Variants in SMAD3 observed in about 807,000 individuals in gnomAD.
SMAD3 encodes SMAD family member 3, also known as MAD homolog 3.
Under a neutral mutation model 51.8 loss-of-function variants are expected in SMAD3, and 12 were observed. The observed-to-expected ratio is 0.23, with a 90% confidence interval of 0.15 to 0.38. The LOEUF is 0.38. Among genes scored for constraint, SMAD3 ranks in the 10% least tolerant of loss-of-function variants. SMAD3 has a pLI of 1.00. For missense variants in SMAD3, 294 were observed against 565.6 expected, an observed-to-expected ratio of 0.52 and a Z score of 4.87; for synonymous variants, 238 against 227.7, an observed-to-expected ratio of 1.05 and a Z score of -0.41.
intron 1 of SMAD3, among the ~76,000 whole-genome samples, chr15:67,116,547 C>T (rs1450494149): frequency 1.3e-5 from 2 of 152,062 alleles, no homozygotes; most frequent in South Asian, 2.1e-4. Context: ...GCTGGAGAAG[C>T]GTGTGGTAAA....
At chr15:67,067,568 C>T (rs1034223151) in intron 1 of SMAD3, among the ~76,000 whole-genome samples, 4 of 152,192 alleles carry the variant, frequency 2.6e-5, no homozygotes, top group African/African-American at 9.7e-5. Flanking sequence ...TGGACTCCAT[C>T]CTTGGCCACC....
chr15:67,168,382 C>T (rs1353550146), intron 4 of SMAD3, among the ~76,000 whole-genome samples: 2 of 152,214 alleles, frequency 1.3e-5, no homozygotes, highest in East Asian at 3.9e-4. Flanking sequence ...ACTAGTAGCG[C>T]GAACCAGCTG....
At chr15:67,149,802 C>T (rs1962079961) in intron 1 of SMAD3, among the ~76,000 whole-genome samples, 1 of 152,158 alleles carries the variant, frequency 6.6e-6, no homozygotes, top group Non-Finnish European at 1.5e-5. Context: ...CTTATATAAG[C>T]TTGTAAAGCT....
intron 1 of SMAD3, among the ~76,000 whole-genome samples, chr15:67,141,783 G>A (rs954155691): frequency 1.3e-5 from 2 of 152,100 alleles, no homozygotes; most frequent in Non-Finnish European, 2.9e-5. Context: ...TTAGACTCCT[G>A]AGTCTTAAAT....
At chr15:67,177,624 G>C (rs1962940921) in intron 5 of SMAD3, among the ~76,000 whole-genome samples, 1 of 151,928 alleles carries the variant, frequency 6.6e-6, no homozygotes, top group Non-Finnish European at 1.5e-5. Context: ...GGTTTCGCCA[G>C]GTTGGCCAGG....
At chr15:67,120,385 C>G (rs1473664959) in intron 1 of SMAD3, among the ~76,000 whole-genome samples, 2 of 152,164 alleles carry the variant, frequency 1.3e-5, no homozygotes, top group African/African-American at 4.8e-5. Flanking sequence ...CATGCTGTTT[C>G]TTTGGATCAA....
At position 67,191,851 on chromosome 15, in the gene SMAD3, C is replaced by T. The variant is rs886051391; in HGVS notation, c.*1315C>T. ...GATCTAGCTCCCGGTAGAGGATCAC[C>T]GGTGACAACTATAGCAGTTGTATTG... On this transcript the variant is annotated 3_prime_UTR_variant, in exon 9 of 9. Coordinates refer to ENST00000327367, the MANE Select transcript of SMAD3 (RefSeq NM_005902.4). 4.4e-4 allele frequency: 102 copies of T among 229,268 alleles called. No individual in the cohort carries two copies. The Admixed American group carries it at 4.6e-3, about 10-fold the overall frequency. The allele number at this position is 229,268 out of a possible 1,614,324, so 14.2% of individuals were successfully genotyped here.
chr15:67,190,566 C>A lies in SMAD3; in HGVS notation c.*30C>A. On this transcript the variant is annotated 3_prime_UTR_variant, in exon 9 of 9. Transcript: ENST00000327367. ...ATCAAGTATGGTAGGGGAGGGCAGG[C>A]TTGGGGAAAATGGCCATGCAGGAGG... The A allele has an allele frequency of 6.2e-7, 1 of 1,612,176 alleles. No homozygotes were observed. The highest frequency in any genetic ancestry group is 8.5e-7 in the Non-Finnish European group (1 of 1,178,692).
At chr15:67,095,490 A>G (rs1414784675) in intron 1 of SMAD3, among the ~76,000 whole-genome samples, 1 of 151,950 alleles carries the variant, frequency 6.6e-6, no homozygotes, top group Non-Finnish European at 1.5e-5. Context: ...AGTCACATAG[A>G]GTTCATGCTC....
At chr15:67,086,132 A>C (rs1960387908) in intron 1 of SMAD3, among the ~76,000 whole-genome samples, 1 of 152,182 alleles carries the variant, frequency 6.6e-6, no homozygotes, top group South Asian at 2.1e-4. Flanking sequence ...TGGATTAAAC[A>C]GGCCCTTACA....
intron 1 of SMAD3, chr15:67,137,972 T>C: frequency 7.6e-7 from 1 of 1,313,574 alleles, no homozygotes; most frequent in African/African-American, 1.5e-5. Context: ...GGCTGTATTG[T>C]CCTTATCATC....
At chr15:67,078,356 C>T (rs1269127115) in intron 1 of SMAD3, among the ~76,000 whole-genome samples, 2 of 152,220 alleles carry the variant, frequency 1.3e-5, no homozygotes, top group Non-Finnish European at 2.9e-5. Context: ...TATGGACCGT[C>T]TCTGGTCAGT....
Position 67,165,300 on chromosome 15 carries a change from T to C in SMAD3, c.448T>C (p.Phe150Leu), listed in dbSNP as rs751860407. The change falls in exon 3 of 9, where the codon TTC becomes CTC. Residue 150 changes from phenylalanine to leucine, a missense_variant. Physicochemically the swap from Phe to Leu is conservative, Grantham distance 22. This residue lies in a region of SMAD3 where 147 missense variants were observed against 260.9 expected (regional missense o/e 0.56). Transcript: ENST00000327367. Reference protein sequence around the residue: ...VPRHTEIPAEFPPLDDYSHSI... With the variant: ...VPRHTEIPAELPPLDDYSHSI... ...ACGCCACACAGAGATCCCGGCCGAG[T>C]TCCCCCCACTGGACGACTACAGCCA... 4.3e-6 allele frequency: 7 copies of C among 1,613,822 alleles called. No homozygotes were observed. Among genetic ancestry groups the C allele is most frequent in the Non-Finnish European group, 5.9e-6 (7 of 1,179,952 alleles).
In SMAD3 at chr15:67,065,942, G is replaced by A. The variant is rs1959902454; in HGVS notation, c.-213G>A. On this transcript the variant is annotated 5_prime_UTR_variant, in exon 1 of 9. It adds an upstream start codon to the 5' untranslated region. Coordinates refer to ENST00000327367, the MANE Select transcript of SMAD3 (RefSeq NM_005902.4). ...CCGCCCGGCCGCTCTTCTCTTCGCC[G>A]TGGGAGCCGCTCCGGGCGCAGGGCC... 1 of 210,850 alleles carries A rather than the reference G, an allele frequency of 4.7e-6. No homozygotes were observed. Among genetic ancestry groups the A allele is most frequent in the Non-Finnish European group, 9.5e-6 (1 of 105,200 alleles). 13.1% of individuals were successfully genotyped at this position (210,850 alleles called of 1,614,324 possible).
intron 1 of SMAD3, among the ~76,000 whole-genome samples, chr15:67,152,383 G>C (rs1308107900): frequency 6.6e-6 from 1 of 152,118 alleles, no homozygotes; most frequent in Non-Finnish European, 1.5e-5. Flanking sequence ...CTAAGTGTTG[G>C]CTACATGAAC....
At chr15:67,100,824 G>A (rs1454433045) in intron 1 of SMAD3, among the ~76,000 whole-genome samples, 1 of 152,174 alleles carries the variant, frequency 6.6e-6, no homozygotes, top group African/African-American at 2.4e-5. Context: ...GACCCAGAGA[G>A]TGCTAGTGAC....
chr15:67,138,262 C>A lies in SMAD3; in HGVS notation c.207-26633C>A, dbSNP rs75929501. On this transcript the variant is annotated intron_variant, in intron 1 of 8. Transcript: ENST00000327367. Reference sequence around the variant, plus strand: ...GATGTCAGGAAGCAACTGTAGGAAACCCCCTGTGTGGGTGAAGCAGAGGCG... The same window carrying A: ...GATGTCAGGAAGCAACTGTAGGAAAACCCCTGTGTGGGTGAAGCAGAGGCG... 2,625 of 602,092 alleles carry A rather than the reference C, an allele frequency of 4.4e-3. 48 individuals are homozygous for A. The highest frequency in any genetic ancestry group is 0.043 in the African/African-American group (2,345 of 54,010). The allele number at this position is 602,092 out of a possible 1,614,324, so 37.3% of individuals were successfully genotyped here.
chr15:67,073,411 C>CA (rs1960098885), intron 1 of SMAD3, among the ~76,000 whole-genome samples: 1 of 152,132 alleles, frequency 6.6e-6, no homozygotes, highest in Non-Finnish European at 1.5e-5. Flanking sequence ...CTGGACTAGG[C>CA]AAAAGTTTGT....
chr15:67,182,998 A>T (rs956488435), intron 6 of SMAD3, among the ~76,000 whole-genome samples: 2,299 of 47,916 alleles, frequency 0.048, 42 homozygotes, highest in African/African-American at 0.063. Flanking sequence ...AAAAAAAAAA[A>T]AAATATATAT....
Sources: gnomAD v4.1 joint callset for allele counts (sites outside exome capture counted in the v4.1 genomes callset) on GRCh38, gnomAD v4.1.1 for gene constraint, gnomAD v4.1.1 regional missense constraint, MANE v1.5 for transcripts, NCBI Gene and HGNC (gene_info 2026-07-23, HGNC 2026-07-21) for gene names.